The following KIAA1217 variants were observed in gnomAD, a reference collection of about 807,000 sequenced individuals.
KIAA1217 encodes the protein sickle tail protein homolog.
In KIAA1217, 88 loss-of-function variants were observed where a neutral mutation model predicts 163.9. The ratio of observed to expected loss-of-function variants is 0.54; its 90% confidence interval spans 0.45 to 0.64. The LOEUF (loss-of-function observed/expected upper bound fraction) is 0.64. Among genes scored for constraint, KIAA1217 ranks in the 30% least tolerant of loss-of-function variants. The pLI is 0.00. For synonymous variants in KIAA1217, 903 were observed against 923.1 expected (o/e 0.98, Z 0.39); for missense variants, 2,372 against 2,475.0 (o/e 0.96, Z 0.88).
rs146871182 is a variant in KIAA1217, at chr10:23,793,317, T to C, written c.-321+98083T>C. Among the ~76,000 whole-genome samples, 602 of 152,290 alleles carry C rather than the reference T, an allele frequency of 4.0e-3. 3 individuals are homozygous for C. The highest frequency in any genetic ancestry group is 6.6e-3 in the Non-Finnish European group (452 of 68,010). On this transcript the variant is annotated intron_variant, in intron 1 of 18. Coordinates refer to the KIAA1217 transcript ENST00000376462. ...AGCAGCCCACAAGATGAGATCCCTA[T>C]GCCACTCCCAGATAGCACGTCCCCG...
chr10:23,929,537 C>T (rs1179906542), intron 1 of KIAA1217, among the ~76,000 whole-genome samples: 1 of 152,138 alleles, frequency 6.6e-6, no homozygotes, highest in South Asian at 2.1e-4. Context: ...GTGTTCAGCT[C>T]CCACTTGTAA....
chr10:23,972,525 C>T (rs1221223997), intron 1 of KIAA1217, among the ~76,000 whole-genome samples: 2 of 151,746 alleles, frequency 1.3e-5, no homozygotes, highest in Non-Finnish European at 2.9e-5. Context: ...GAAAACCAAA[C>T]ACTATGTATT....
intron 2 of KIAA1217, among the ~76,000 whole-genome samples, chr10:24,085,150 G>A (rs954098328): frequency 6.6e-6 from 1 of 152,098 alleles, no homozygotes; most frequent in Non-Finnish European, 1.5e-5. Flanking sequence ...TCCTGACCGC[G>A]TGATCCGCCT....
chr10:23,964,001 C>T (rs1470922055), intron 1 of KIAA1217, among the ~76,000 whole-genome samples: 1 of 151,802 alleles, frequency 6.6e-6, no homozygotes, highest in Non-Finnish European at 1.5e-5. Context: ...TCAAGAAATC[C>T]TCCTGCCTCA....
At chr10:24,029,838 C>T (rs1848120525) in intron 2 of KIAA1217, among the ~76,000 whole-genome samples, 2 of 152,162 alleles carry the variant, frequency 1.3e-5, no homozygotes, top group African/African-American at 4.8e-5. Context: ...AGTTCCCTCA[C>T]ACGGGCATGT....
chr10:23,983,538 C>G (rs573427351), intron 1 of KIAA1217, among the ~76,000 whole-genome samples: 1 of 152,006 alleles, frequency 6.6e-6, no homozygotes, highest in African/African-American at 2.4e-5. Flanking sequence ...CCAGATCTCA[C>G]GAGAACTCAC....
At chr10:24,079,749 G>A (rs576929717) in intron 2 of KIAA1217, among the ~76,000 whole-genome samples, 21 of 152,246 alleles carry the variant, frequency 1.4e-4, no homozygotes, top group Non-Finnish European at 2.1e-4. Context: ...CAAAGCACAC[G>A]TCTGCATCCC....
intron 2 of KIAA1217, among the ~76,000 whole-genome samples, chr10:24,175,904 T>G (rs187733380): frequency 8.1e-4 from 123 of 152,300 alleles, no homozygotes; most frequent in Admixed American, 1.4e-3. Flanking sequence ...CCATGAGTGT[T>G]ACAGCTCATA....
intron 1 of KIAA1217, among the ~76,000 whole-genome samples, chr10:23,913,839 G>C (rs1462045632): frequency 6.6e-6 from 1 of 152,124 alleles, no homozygotes. Context: ...TGGGGGTTGG[G>C]GGAGAGCAGG....
In KIAA1217 at chr10:24,018,668, C is replaced by T. The variant is rs968608142; in HGVS notation, c.-171+11294C>T. Among the ~76,000 whole-genome samples the T allele has an allele frequency of 1.3e-4, 19 of 151,870 alleles. 1 individual carries two copies. Among genetic ancestry groups the T allele is most frequent in the African/African-American group, 4.3e-4 (18 of 41,402 alleles). ...TAGAGATATTCCTCAAAAAACTAAA[C>T]TTAGAACTGCTATATGACCCAGCAA... On this transcript the variant is annotated intron_variant, in intron 2 of 18. Transcript: ENST00000376462.
At chr10:24,145,990 C>T (rs1481731844) in intron 2 of KIAA1217, among the ~76,000 whole-genome samples, 1 of 152,222 alleles carries the variant, frequency 6.6e-6, no homozygotes, top group Admixed American at 6.5e-5. Flanking sequence ...CTCACAGACA[C>T]ACTCAGGAAC....
At chr10:24,097,870 A>G (rs960836442) in intron 2 of KIAA1217, among the ~76,000 whole-genome samples, 5 of 152,190 alleles carry the variant, frequency 3.3e-5, no homozygotes. Context: ...TGCCAAGGCC[A>G]GGCCACATTT....
chr10:24,256,406 T>G (rs1280796430), intron 2 of KIAA1217, among the ~76,000 whole-genome samples: 1 of 152,048 alleles, frequency 6.6e-6, no homozygotes, highest in Non-Finnish European at 1.5e-5. Context: ...CCATAGAAAA[T>G]AAAAAGCAAA....
chr10:24,148,483 G>A (rs2064444242), intron 2 of KIAA1217, among the ~76,000 whole-genome samples: 1 of 152,170 alleles, frequency 6.6e-6, no homozygotes, highest in Non-Finnish European at 1.5e-5. Context: ...TGGGTCATGG[G>A]AGTGGATCCC....
At chr10:23,767,931 A>G (rs1341859347) in intron 1 of KIAA1217, among the ~76,000 whole-genome samples, 2 of 152,178 alleles carry the variant, frequency 1.3e-5, no homozygotes, top group Non-Finnish European at 2.9e-5. Context: ...AAATGGCTGA[A>G]TTTGGGCAGT....
intron 1 of KIAA1217, among the ~76,000 whole-genome samples, chr10:23,826,191 T>TA (rs951662546): frequency 1.4e-4 from 22 of 151,864 alleles, no homozygotes; most frequent in Admixed American, 8.5e-4. Flanking sequence ...CCAGGTCTAC[T>TA]AAAAAAAAGT....
intron 2 of KIAA1217, among the ~76,000 whole-genome samples, chr10:24,319,074 G>A (rs1186396301): frequency 2.0e-5 from 3 of 152,100 alleles, no homozygotes; most frequent in Non-Finnish European, 4.4e-5. Flanking sequence ...ATCTAGGAGG[G>A]ACAGCTGAAG....
At chr10:24,043,783 G>A (rs1468347034) in intron 2 of KIAA1217, among the ~76,000 whole-genome samples, 1 of 152,014 alleles carries the variant, frequency 6.6e-6, no homozygotes, top group South Asian at 2.1e-4. Flanking sequence ...CAAACAATCC[G>A]AGGCTCGGTG....
intron 1 of KIAA1217, among the ~76,000 whole-genome samples, chr10:23,912,288 A>G (rs1209551068): frequency 6.6e-6 from 1 of 152,172 alleles, no homozygotes; most frequent in Non-Finnish European, 1.5e-5. Flanking sequence ...AGCAGCAAAA[A>G]TAACAGTTGG....
Sources: gnomAD v4.1 joint callset for allele counts (sites outside exome capture counted in the v4.1 genomes callset) on GRCh38, gnomAD v4.1.1 for gene constraint, MANE v1.5 for transcripts, NCBI Gene and HGNC (gene_info 2026-07-23, HGNC 2026-07-21) for gene names.